The following TCF7L2 variants were observed in gnomAD, a reference collection of about 807,000 sequenced individuals.
The protein encoded by TCF7L2 is transcription factor 7 like 2, also known as transcription factor 7-like 2.
TCF7L2 carries 23 observed loss-of-function variants against 77.9 expected under a neutral mutation model. That is an observed-to-expected ratio of 0.30 (90% CI 0.21 to 0.42). The LOEUF is 0.42. Ranked by LOEUF, TCF7L2 falls within the 10% of genes least tolerant of loss-of-function variation. TCF7L2 has a pLI of 1.00. For missense variants in TCF7L2, 654 were observed against 793.1 expected (o/e 0.82, Z 2.11); for synonymous variants, 413 against 340.2 (o/e 1.21, Z -2.36).
chr10:113,019,509 A>G (rs1310683601), intron 4 of TCF7L2, among the ~76,000 whole-genome samples: 1 of 152,216 alleles, frequency 6.6e-6, no homozygotes, highest in African/African-American at 2.4e-5. Context: ...GGGTTTCTGC[A>G]GCCAAATTCA....
chr10:113,134,496 A>G (rs150547072), intron 5 of TCF7L2, among the ~76,000 whole-genome samples: 3 of 152,160 alleles, frequency 2.0e-5, no homozygotes, highest in Non-Finnish European at 4.4e-5. Flanking sequence ...ACCTTAACTG[A>G]CTGTTCACCA....
At chr10:113,009,669 C>T (rs2046133172) in intron 4 of TCF7L2, among the ~76,000 whole-genome samples, 1 of 152,172 alleles carries the variant, frequency 6.6e-6, no homozygotes. Context: ...CACATGACGT[C>T]CCTGAGATGG....
rs149375915 is a variant in TCF7L2, at chr10:113,022,724, C to A, written c.451-17301C>A. Among the ~76,000 whole-genome samples, 10 of 152,302 alleles carry A rather than the reference C, an allele frequency of 6.6e-5. 1 individual carries two copies. The East Asian group carries it at 1.9e-3, about 29-fold the overall frequency. On this transcript the variant is annotated intron_variant, in intron 4 of 13. Transcript: ENST00000627217. ...ATAGCTAGCAATTACCAAGCACTTA[C>A]CTTACACCAGGTACAATGCCAGGCA...
chr10:113,075,728 G>A (rs1028711779), intron 5 of TCF7L2, among the ~76,000 whole-genome samples: 1 of 152,164 alleles, frequency 6.6e-6, no homozygotes, highest in Non-Finnish European at 1.5e-5. Context: ...TGCAGCATGG[G>A]TTTAGATCCT....
At chr10:113,043,364 T>TG (rs1350181995) in intron 5 of TCF7L2, among the ~76,000 whole-genome samples, 1 of 152,238 alleles carries the variant, frequency 6.6e-6, no homozygotes, top group Non-Finnish European at 1.5e-5. Flanking sequence ...TCTTAACAAG[T>TG]GGAGGTCAAC....
At chr10:113,003,431 G>C (rs1374729886) in intron 4 of TCF7L2, among the ~76,000 whole-genome samples, 1 of 152,232 alleles carries the variant, frequency 6.6e-6, no homozygotes, top group Admixed American at 6.5e-5. Context: ...ATGGCTTGGG[G>C]ATGGTCTCTG....
intron 5 of TCF7L2, among the ~76,000 whole-genome samples, chr10:113,046,604 A>T (rs1263827422): frequency 6.6e-6 from 1 of 152,226 alleles, no homozygotes; most frequent in Non-Finnish European, 1.5e-5. Context: ...TCTTCTCTTC[A>T]AAATGATTAT....
At chr10:113,121,426 A>G (rs2064754839) in intron 5 of TCF7L2, among the ~76,000 whole-genome samples, 1 of 152,250 alleles carries the variant, frequency 6.6e-6, no homozygotes, top group African/African-American at 2.4e-5. Context: ...GAGCGCCAGC[A>G]CTGTGGCTTT....
intron 5 of TCF7L2, among the ~76,000 whole-genome samples, chr10:113,063,954 T>A (rs574080529): frequency 1.3e-5 from 2 of 151,498 alleles, no homozygotes; most frequent in African/African-American, 4.8e-5. Flanking sequence ...TGTGTCGTCA[T>A]CCAAGCAGAT....
chr10:112,986,281 C>T (rs145952186), intron 4 of TCF7L2, among the ~76,000 whole-genome samples: 1 of 152,102 alleles, frequency 6.6e-6, no homozygotes, highest in Non-Finnish European at 1.5e-5. Context: ...CTCTTCCTCT[C>T]TTGCCTTTCC....
chr10:113,007,317 C>T lies in TCF7L2; in HGVS notation c.451-32708C>T, dbSNP rs574853128. Among the ~76,000 whole-genome samples, 10 of 152,344 alleles carry T rather than the reference C, an allele frequency of 6.6e-5. No individual in the cohort carries two copies. The East Asian group carries it at 1.4e-3, about 21-fold the overall frequency. ...CGTCACGGGCAACCTCATTCCTTCT[C>T]TAGCCTCCATCCCCTGCCCCCTGCC... On this transcript the variant is annotated intron_variant, in intron 4 of 13. Transcript: ENST00000627217.
At chr10:113,013,807 G>A (rs902421855) in intron 4 of TCF7L2, among the ~76,000 whole-genome samples, 1 of 152,112 alleles carries the variant, frequency 6.6e-6, no homozygotes, top group Non-Finnish European at 1.5e-5. Flanking sequence ...AACAAGTCAG[G>A]GACATGTATT....
intron 5 of TCF7L2, among the ~76,000 whole-genome samples, chr10:113,095,149 A>T (rs562951887): frequency 9.2e-5 from 14 of 152,322 alleles, no homozygotes; most frequent in African/African-American, 3.4e-4. Flanking sequence ...ACAAAGTTCC[A>T]CTATAAATAG....
intron 4 of TCF7L2, among the ~76,000 whole-genome samples, chr10:112,995,165 G>T (rs966957265): frequency 6.6e-6 from 1 of 152,210 alleles, no homozygotes; most frequent in African/African-American, 2.4e-5. Context: ...GAACCCCTGG[G>T]CTGCTCTCTG....
At chr10:113,162,058 G>A (rs551746333) in intron 13 of TCF7L2, among the ~76,000 whole-genome samples, 2 of 152,324 alleles carry the variant, frequency 1.3e-5, no homozygotes, top group Non-Finnish European at 2.9e-5. Context: ...AGGAGGTTAG[G>A]TATTTAATTA....
At chr10:112,986,760 C>G (rs1252323998) in intron 4 of TCF7L2, among the ~76,000 whole-genome samples, 7 of 152,112 alleles carry the variant, frequency 4.6e-5, no homozygotes, top group Non-Finnish European at 1.0e-4. Flanking sequence ...GAGGAAGTGT[C>G]ATGTTTGAGA....
intron 4 of TCF7L2, among the ~76,000 whole-genome samples, chr10:112,975,933 G>T (rs1686623350): frequency 6.6e-6 from 1 of 152,180 alleles, no homozygotes; most frequent in Non-Finnish European, 1.5e-5. Context: ...CTCTGACTCA[G>T]TCTAATAGTT....
intron 5 of TCF7L2, among the ~76,000 whole-genome samples, chr10:113,047,479 T>G (rs941031192): frequency 6.6e-6 from 1 of 152,216 alleles, no homozygotes; most frequent in African/African-American, 2.4e-5. Flanking sequence ...AAATCATTTC[T>G]TGAATAATTG....
chr10:113,121,768 TACACACA>T (rs2064829890), intron 5 of TCF7L2, among the ~76,000 whole-genome samples: 1 of 139,530 alleles, frequency 7.2e-6, no homozygotes, highest in African/African-American at 2.9e-5. Flanking sequence ...CACGCACACA[TACACACA>T]ACACACACAC....
Sources: gnomAD v4.1 joint callset for allele counts (sites outside exome capture counted in the v4.1 genomes callset) on GRCh38, gnomAD v4.1.1 for gene constraint, MANE v1.5 for transcripts, NCBI Gene and HGNC (gene_info 2026-07-23, HGNC 2026-07-21) for gene names.